Variants in FAM53A observed in about 807,000 individuals in gnomAD.
FAM53A encodes the protein protein FAM53A.
A neutral mutation model predicts 26.6 loss-of-function variants in FAM53A; 28 were observed. The ratio of observed to expected loss-of-function variants is 1.05; its 90% confidence interval spans 0.78 to 1.45. FAM53A has a LOEUF of 1.45. Ranked by LOEUF, FAM53A falls within the 40% of genes most tolerant of loss-of-function variation. FAM53A has a pLI of 0.00. For synonymous variants in FAM53A, 290 were observed against 253.1 expected, an observed-to-expected ratio of 1.15 and a Z score of -1.38; for missense variants, 650 against 575.8, an observed-to-expected ratio of 1.13 and a Z score of -1.32.
chr4:1,621,350 C>A (rs1401025854), intron 1 of FAM53A, among the ~76,000 whole-genome samples: 4 of 152,024 alleles, frequency 2.6e-5, no homozygotes, highest in African/African-American at 9.7e-5. Flanking sequence ...GTGATCCACC[C>A]GCCTCGGCCT....
At chr4:1,641,716 A>C in intron 4 of FAM53A, 109 bp from the exon 5 acceptor site, 2 of 1,106,598 alleles carry the variant, frequency 1.8e-6, no homozygotes, top group South Asian at 2.5e-5. Context: ...GCCATCCCCA[A>C]GACCACACAA....
chr4:1,646,442 C>T (rs970394043), intron 4 of FAM53A, among the ~76,000 whole-genome samples: 2 of 152,146 alleles, frequency 1.3e-5, no homozygotes, highest in African/African-American at 4.8e-5. Context: ...TAAGTGACGT[C>T]GTCGGGGGTA....
At chr4:1,576,122 C>A in the FAM53A span, among the ~76,000 whole-genome samples, 5 of 152,158 alleles carry the variant, frequency 3.3e-5, no homozygotes, top group African/African-American at 1.2e-4. Context: ...CAATAAAGAG[C>A]AAATCAGGGC....
At chr4:1,667,713 G>C (rs186717033) in intron 2 of FAM53A, among the ~76,000 whole-genome samples, 32 of 152,052 alleles carry the variant, frequency 2.1e-4, no homozygotes, top group Admixed American at 2.0e-3. Flanking sequence ...TCCGTAACAC[G>C]CAAGGGGCTA....
chr4:1,595,630 T>C, the FAM53A span, among the ~76,000 whole-genome samples: 1 of 152,138 alleles, frequency 6.6e-6, no homozygotes, highest in African/African-American at 2.4e-5. Flanking sequence ...CACAGACCCC[T>C]CCTGACACTG....
intron 4 of FAM53A, among the ~76,000 whole-genome samples, chr4:1,652,919 C>T (rs542271364): frequency 6.7e-6 from 1 of 148,830 alleles, no homozygotes; most frequent in East Asian, 2.0e-4. Context: ...CACCAGACAG[C>T]ACTCACCACA....
At chr4:1,637,419 C>G (rs1001373717), downstream of FAM53A, among the ~76,000 whole-genome samples, 1 of 152,038 alleles carries the variant, frequency 6.6e-6, no homozygotes, top group Non-Finnish European at 1.5e-5. Flanking sequence ...GGCCAGCCCT[C>G]GAGGGACAGA....
chr4:1,604,114 C>G, the FAM53A span, among the ~76,000 whole-genome samples: 1 of 152,214 alleles, frequency 6.6e-6, no homozygotes, highest in Admixed American at 6.5e-5. Flanking sequence ...CTGCCCCCAA[C>G]TCTAAACATT....
chr4:1,641,633 A>G (rs1287390988), intron 4 of FAM53A, 26 bp from the exon 5 acceptor site: 3 of 1,612,166 alleles, frequency 1.9e-6, no homozygotes, highest in Non-Finnish European at 2.5e-6. Flanking sequence ...TACGGGCTTA[A>G]AGCATTTCTA....
the FAM53A span, among the ~76,000 whole-genome samples, chr4:1,578,072 C>A: frequency 6.6e-6 from 1 of 152,084 alleles, no homozygotes; most frequent in African/African-American, 2.4e-5. Context: ...CTGCCCTGAG[C>A]GCCTTCCCCT....
chr4:1,662,879 A>G (rs1713942505), intron 2 of FAM53A, among the ~76,000 whole-genome samples: 1 of 152,162 alleles, frequency 6.6e-6, no homozygotes. Flanking sequence ...AAAAATGGAC[A>G]ATAACACGCG....
At chr4:1,616,457 G>A (rs549128363), downstream of FAM53A, among the ~76,000 whole-genome samples, 16 of 152,276 alleles carry the variant, frequency 1.1e-4, 1 homozygote, top group South Asian at 4.2e-4. Context: ...ACTCCAGCCC[G>A]GGTGTCACAG....
At chr4:1,648,462 A>T (rs910613905) in intron 4 of FAM53A, among the ~76,000 whole-genome samples, 2 of 152,050 alleles carry the variant, frequency 1.3e-5, no homozygotes, top group Non-Finnish European at 2.9e-5. Flanking sequence ...GCCCCTCAGG[A>T]GTCTTGGCAC....
chr4:1,681,067 T>C (rs531664290), intron 1 of FAM53A, among the ~76,000 whole-genome samples: 4 of 152,192 alleles, frequency 2.6e-5, no homozygotes, highest in Admixed American at 6.5e-5. Flanking sequence ...AGGTCCTGCA[T>C]GTGTGAGGGC....
intron 2 of FAM53A, among the ~76,000 whole-genome samples, chr4:1,665,256 T>C (rs1314542378): frequency 1.3e-5 from 2 of 151,862 alleles, no homozygotes; most frequent in African/African-American, 2.4e-5. Flanking sequence ...AGGCAGAGGT[T>C]GCAGTGAGCC....
chr4:1,668,636 A>C (rs754365912), intron 2 of FAM53A, 31 bp downstream of exon 2: 2 of 1,613,154 alleles, frequency 1.2e-6, no homozygotes, highest in Non-Finnish European at 1.7e-6. Context: ...GGGGAGGGGC[A>C]CCCAGCCTGG....
chr4:1,673,601 C>T (rs1234317121), intron 1 of FAM53A, among the ~76,000 whole-genome samples: 1 of 152,176 alleles, frequency 6.6e-6, no homozygotes, highest in Non-Finnish European at 1.5e-5. Flanking sequence ...GGTGTGATGG[C>T]GCACACCTGT....
the FAM53A span, among the ~76,000 whole-genome samples, chr4:1,582,135 G>T: frequency 5.9e-5 from 9 of 152,226 alleles, no homozygotes; most frequent in African/African-American, 2.2e-4. Flanking sequence ...AACCTTGTCA[G>T]CAATCCAAGA....
At chr4:1,584,652 A>G in the FAM53A span, among the ~76,000 whole-genome samples, 1 of 152,162 alleles carries the variant, frequency 6.6e-6, no homozygotes, top group Non-Finnish European at 1.5e-5. Flanking sequence ...CTGGCAATGG[A>G]GGCTGGCTGT....
Sources: gnomAD v4.1 joint callset for allele counts (sites outside exome capture counted in the v4.1 genomes callset) on GRCh38, gnomAD v4.1.1 for gene constraint, MANE v1.5 for transcripts, NCBI Gene and HGNC (gene_info 2026-07-23, HGNC 2026-07-21) for gene names.